The following NOL4L variants were observed in gnomAD, a reference collection of about 807,000 sequenced individuals.
NOL4L encodes nucleolar protein 4 like, also known as nucleolar protein 4-like.
In NOL4L, 7 loss-of-function variants were observed where a neutral mutation model predicts 64.5. The ratio of observed to expected loss-of-function variants is 0.11; its 90% CI spans 0.06 to 0.20. NOL4L has a LOEUF of 0.20. Among genes scored for constraint, NOL4L ranks in the 10% least tolerant of loss-of-function variants. The probability of loss-of-function intolerance (pLI) is 1.00; values close to 1 mark genes in which losing one functional copy is unlikely to be tolerated. For synonymous variants in NOL4L, 413 were observed against 401.0 expected (o/e 1.03, Z -0.36); for missense variants, 680 against 967.1 (o/e 0.70, Z 3.94).
chr20:32,497,947 T>C (rs1285075101), intron 4 of NOL4L, among the ~76,000 whole-genome samples: 1 of 152,254 alleles, frequency 6.6e-6, no homozygotes, highest in Non-Finnish European at 1.5e-5. Flanking sequence ...TTGCTGCTTA[T>C]GGCACCAGGC....
At chr20:32,473,861 T>C (rs1002253272) in intron 5 of NOL4L, among the ~76,000 whole-genome samples, 8 of 152,182 alleles carry the variant, frequency 5.3e-5, no homozygotes, top group African/African-American at 1.7e-4. Flanking sequence ...ACAAAGGCGA[T>C]GCTGGGGTGC....
In NOL4L at chr20:32,488,884, TTTCTTTCTTTCC is replaced by T. The variant is rs1568649643; in HGVS notation, c.700-14154_700-14143del. ...CTTTCTTTCTTTCTTTCTTTCTTTCTTTCTTTCTTTCCTCTCTCTTTCTTTCTTTCTGACTAA... is the reference window on the plus strand; with the variant it reads ...CTTTCTTTCTTTCTTTCTTTCTTTCTTCTCTCTTTCTTTCTTTCTGACTAA... On this transcript the variant is annotated intron_variant, in intron 4 of 10. Transcript: ENST00000621426. Among the ~76,000 whole-genome samples, 7 of 131,082 alleles carry T rather than the reference TTTCTTTCTTTCC, an allele frequency of 5.3e-5. No homozygotes were observed. In the East Asian group the frequency reaches 6.4e-4, roughly 12 times the overall value. 86.0% of individuals were successfully genotyped at this position (131,082 alleles called of 152,430 possible). A position where few individuals can be genotyped will look rare whatever the true frequency, so the allele number is the denominator to read the frequency against.
intron 4 of NOL4L, among the ~76,000 whole-genome samples, chr20:32,497,926 T>C (rs2016761884): frequency 6.6e-6 from 1 of 152,252 alleles, no homozygotes; most frequent in Non-Finnish European, 1.5e-5. Context: ...AGGCCAGCCC[T>C]GCATGCAGTA....
intron 3 of NOL4L, among the ~76,000 whole-genome samples, chr20:32,512,816 C>G (rs185916987): frequency 9.9e-5 from 15 of 152,236 alleles, no homozygotes; most frequent in African/African-American, 2.9e-4. Flanking sequence ...AAGTCATTCT[C>G]TAACGATTGG....
intron 4 of NOL4L, among the ~76,000 whole-genome samples, chr20:32,479,591 A>G (rs116782556): frequency 6.6e-6 from 1 of 152,248 alleles, no homozygotes; most frequent in African/African-American, 2.4e-5. Context: ...AGTGTGTGCA[A>G]TCCATTACTT....
chr20:32,572,871 G>A (rs1474761348), intron 1 of NOL4L, among the ~76,000 whole-genome samples: 1 of 152,124 alleles, frequency 6.6e-6, no homozygotes, highest in African/African-American at 2.4e-5. Context: ...CTCTGCTCCA[G>A]TATCCCCTGC....
chr20:32,493,212 G>A (rs1267780430), intron 4 of NOL4L, among the ~76,000 whole-genome samples: 1 of 152,238 alleles, frequency 6.6e-6, no homozygotes, highest in Non-Finnish European at 1.5e-5. Context: ...CTGTGGGGGT[G>A]TGAGACTAAC....
At chr20:32,521,827 G>A (rs2017948673) in intron 2 of NOL4L, among the ~76,000 whole-genome samples, 1 of 152,222 alleles carries the variant, frequency 6.6e-6, no homozygotes, top group South Asian at 2.1e-4. Flanking sequence ...GGCTGAGACT[G>A]CCCAGTTACT....
chr20:32,457,839 G>A (rs546885117), intron 5 of NOL4L, among the ~76,000 whole-genome samples: 7 of 152,218 alleles, frequency 4.6e-5, no homozygotes, highest in African/African-American at 1.4e-4. Flanking sequence ...GTCCCGGCCC[G>A]CGCTGGCTGT....
chr20:32,550,486 C>T (rs1278234866), intron 1 of NOL4L, among the ~76,000 whole-genome samples: 1 of 152,224 alleles, frequency 6.6e-6, no homozygotes, highest in Non-Finnish European at 1.5e-5. Flanking sequence ...TGGCTCACGC[C>T]TATAATCTCA....
intron 4 of NOL4L, among the ~76,000 whole-genome samples, chr20:32,481,970 G>A (rs1017122339): frequency 8.7e-5 from 13 of 148,734 alleles, no homozygotes; most frequent in Non-Finnish European, 6.0e-5. Context: ...GGGGCGGGGG[G>A]GGGGGAGCAG....
intron 10 of NOL4L, chr20:32,449,832 T>C (rs6141724): frequency 6.6e-6 from 1 of 152,170 alleles, no homozygotes; most frequent in African/African-American, 2.4e-5. Context: ...TGGTCCCCTC[T>C]GCGTCATGCT....
intron 1 of NOL4L, among the ~76,000 whole-genome samples, chr20:32,557,796 G>T (rs752854311): frequency 5.3e-5 from 8 of 152,234 alleles, no homozygotes; most frequent in Non-Finnish European, 8.8e-5. Flanking sequence ...CAGGCGCGGT[G>T]GCTCATGCCT....
At chr20:32,579,495 C>G (rs552436978) in intron 1 of NOL4L, among the ~76,000 whole-genome samples, 2 of 152,178 alleles carry the variant, frequency 1.3e-5, no homozygotes, top group African/African-American at 2.4e-5. Context: ...CTCCCCACCC[C>G]CCAATCCTCC....
intron 4 of NOL4L, among the ~76,000 whole-genome samples, chr20:32,487,913 C>T (rs556683338): frequency 6.7e-6 from 1 of 148,926 alleles, no homozygotes; most frequent in South Asian, 2.1e-4. Flanking sequence ...ATGTGATCCA[C>T]AGTTTTTGTT....
intron 1 of NOL4L, among the ~76,000 whole-genome samples, chr20:32,554,120 A>G (rs1465881745): frequency 6.6e-6 from 1 of 152,198 alleles, no homozygotes; most frequent in Non-Finnish European, 1.5e-5. Flanking sequence ...GGAGATCGAG[A>G]CCATCCTGGC....
chr20:32,486,802 C>T (rs550768125), intron 4 of NOL4L: 38 of 470,926 alleles, frequency 8.1e-5, no homozygotes, highest in African/African-American at 6.4e-4. Context: ...AAGGGAGGCA[C>T]TGGAAGACAC....
In NOL4L at chr20:32,447,566, T is replaced by C. The variant is rs768920742; in HGVS notation, c.*30A>G. ...TCCAGGCTGGGACAGCCTCCTTCCC[T>C]AGGGCAGTGCGCTCCAGGTGCCGGT... On this transcript the variant is annotated 3_prime_UTR_variant, in exon 11 of 11. Coordinates refer to ENST00000621426, the MANE Select transcript of NOL4L (RefSeq NM_001256798.2). 4 of 1,570,718 alleles carry C rather than the reference T, an allele frequency of 2.5e-6. No homozygotes were observed. In the East Asian group the frequency reaches 9.0e-5, roughly 35 times the overall value.
rs774454714 is a variant in NOL4L at position 32,464,148 on chromosome 20, T to TG, written c.842-7754dup. Among the ~76,000 whole-genome samples, 78 of 152,288 alleles carry TG rather than the reference T, an allele frequency of 5.1e-4. No homozygotes were observed. Among genetic ancestry groups the TG allele is most frequent in the Non-Finnish European group, 9.0e-4 (61 of 68,014 alleles). ...GACAGTAGGGCTATGGGCTGTGGTC[T>TG]GGGGGTGCTGACCCTGCTCTGAATT... On this transcript the variant is annotated intron_variant, in intron 5 of 10. Transcript: ENST00000621426. This position sits in a 1 kb window ranked among gnomAD's most constrained non-coding sequence, Gnocchi z 5.6.
Sources: allele counts gnomAD v4.1 joint callset (sites outside exome capture counted in the v4.1 genomes callset), GRCh38; gene constraint gnomAD v4.1.1; non-coding constraint Gnocchi (gnomAD v3.1); transcripts MANE v1.5; gene names NCBI Gene and HGNC (gene_info 2026-07-23, HGNC 2026-07-21).